The following USP43 variants were observed in gnomAD, a reference collection of about 807,000 sequenced individuals.
USP43 encodes ubiquitin specific peptidase 43, also known as ubiquitin carboxyl-terminal hydrolase 43.
USP43 carries 33 observed loss-of-function variants against 90.7 expected under a neutral mutation model. The observed-to-expected ratio is 0.36, with a 90% CI of 0.28 to 0.49. The LOEUF is 0.49. Ranked by LOEUF, USP43 falls within the 20% of genes least tolerant of loss-of-function variation. The pLI is 0.98. For synonymous variants in USP43, 598 were observed against 615.8 expected (o/e 0.97, Z 0.43); for missense variants, 1,274 against 1,476.4 (o/e 0.86, Z 2.25).
chr17:9,700,061 A>C, intron 9 of USP43, 111 bp from the exon 10 acceptor site: 1 of 1,050,842 alleles, frequency 9.5e-7, no homozygotes, highest in Non-Finnish European at 1.4e-6. Flanking sequence ...AGTTTTGGGT[A>C]TTTCTGTTTG....
At chr17:9,720,579 C>G (rs111717015) in intron 14 of USP43, among the ~76,000 whole-genome samples, 5,951 of 151,948 alleles carry the variant, frequency 0.039, 223 homozygotes, top group East Asian at 0.21. Flanking sequence ...ACCTCTGCCT[C>G]CCAGGTTCAA....
At chr17:9,680,203 A>G (rs757495917) in intron 5 of USP43, 28 bp from the exon 6 acceptor site, 1 of 1,605,626 alleles carries the variant, frequency 6.2e-7, no homozygotes. Context: ...TCAGAAATCA[A>G]GAGGGAAAAT....
In USP43 at chr17:9,682,876, C is replaced by A; in HGVS notation, c.1159C>A (p.Arg387=). The A allele has an allele frequency of 1.2e-6, 2 of 1,613,976 alleles. No individual in the cohort carries two copies. The highest frequency in any genetic ancestry group is 1.6e-4 in the Middle Eastern group (1 of 6,062). The change falls in exon 7 of 15, where the codon CGA becomes AGA. Residue 387 remains arginine, a synonymous_variant. Coordinates refer to ENST00000285199, the MANE Select transcript of USP43 (RefSeq NM_153210.5). ...SPRLAAREGQ[R]FSLSLHSESK... is the part of the protein sequence containing the mutation. ...ACGCCTGGCAGCCCGTGAGGGCCAG[C>A]GATTCTCCCTCTCTCTCCACAGTGA...
intron 1 of USP43, among the ~76,000 whole-genome samples, chr17:9,650,490 C>G (rs567767973): frequency 6.6e-6 from 1 of 152,152 alleles, no homozygotes; most frequent in Non-Finnish European, 1.5e-5. Flanking sequence ...GCAACCTCCA[C>G]TTTCTGGGTT....
intron 14 of USP43, among the ~76,000 whole-genome samples, chr17:9,718,032 G>A (rs1441248132): frequency 6.6e-6 from 1 of 151,914 alleles, no homozygotes; most frequent in Non-Finnish European, 1.5e-5. Context: ...TCTTCATCTC[G>A]TGATCTGCCC....
chr17:9,721,253 C>G (rs1209637203), intron 14 of USP43, among the ~76,000 whole-genome samples: 1 of 152,142 alleles, frequency 6.6e-6, no homozygotes, highest in Non-Finnish European at 1.5e-5. Flanking sequence ...TGATAAGTTT[C>G]CTCTATGGCT....
Position 9,701,113 on chromosome 17 carries a change from G to A in USP43, c.1536-6G>A, listed in dbSNP as rs758935490. ...CCTGAACGCCGTGGGTGTCCTCTCC[G>A]TGCAGCCTGTTCGGGAGCCTCCAGG... On this transcript the variant is annotated splice_polypyrimidine_tract_variant and splice_region_variant and intron_variant, in intron 10 of 14. Coordinates refer to ENST00000285199, the MANE Select transcript of USP43 (RefSeq NM_153210.5). This position sits in a 1 kb window ranked among gnomAD's most constrained non-coding sequence, Gnocchi z 7.2. 5.3e-5 allele frequency: 78 copies of A among 1,461,502 alleles called. No individual in the cohort carries two copies. The highest frequency in any genetic ancestry group is 1.3e-4 in the Admixed American group (5 of 37,326). 90.5% of individuals were successfully genotyped at this position (1,461,502 alleles called of 1,614,324 possible). A position where few individuals can be genotyped will look rare whatever the true frequency, so the allele number is the denominator to read the frequency against.
intron 12 of USP43, among the ~76,000 whole-genome samples, chr17:9,706,920 G>A (rs994780200): frequency 6.6e-6 from 1 of 152,026 alleles, no homozygotes; most frequent in African/African-American, 2.4e-5. Flanking sequence ...TGGGATTACA[G>A]GCGTGAGTCT....
intron 3 of USP43, among the ~76,000 whole-genome samples, chr17:9,670,131 C>G (rs1913308622): frequency 6.6e-6 from 1 of 151,686 alleles, no homozygotes; most frequent in Non-Finnish European, 1.5e-5. Context: ...CTCTGCTTCC[C>G]AGGTTCAAGC....
At chr17:9,690,610 C>T (rs1914881711) in intron 8 of USP43, among the ~76,000 whole-genome samples, 1 of 152,220 alleles carries the variant, frequency 6.6e-6, no homozygotes, top group African/African-American at 2.4e-5. Context: ...TGTTGCCAGA[C>T]GTGGTGGCTC....
At chr17:9,675,598 G>A (rs1029108653) in intron 4 of USP43, among the ~76,000 whole-genome samples, 1 of 152,032 alleles carries the variant, frequency 6.6e-6, no homozygotes, top group Non-Finnish European at 1.5e-5. Flanking sequence ...TTGGAAGAGA[G>A]GTATTTCCTC....
chr17:9,652,234 A>AAAAAAAAAAAAG (rs61023073), intron 1 of USP43, among the ~76,000 whole-genome samples: 4 of 149,678 alleles, frequency 2.7e-5, no homozygotes, highest in African/African-American at 1.0e-4. Flanking sequence ...AAAAAAGAAA[A>AAAAAAAAAAAAG]GAAAAGAAAG....
intron 12 of USP43, among the ~76,000 whole-genome samples, chr17:9,706,956 A>G (rs776467090): frequency 6.6e-6 from 1 of 151,912 alleles, no homozygotes; most frequent in Non-Finnish European, 1.5e-5. Context: ...GATTTTTATG[A>G]CTAGAACTAA....
rs138455148 is a variant in USP43 at position 9,691,379 on chromosome 17, G to A, written c.1354-1748G>A. On this transcript the variant is annotated intron_variant, in intron 8 of 14. Transcript: ENST00000285199. ...GTGATCCATCTGCCTCAGCCTCCCA[G>A]AGTGCTGGGATTACAGGCGTGAGCC... 7.0e-3 allele frequency among the ~76,000 whole-genome samples: 1,060 copies of A among 152,108 alleles called. 12 individuals are homozygous for A. Among genetic ancestry groups the A allele is most frequent in the African/African-American group, 0.024 (1,002 of 41,526 alleles).
intron 14 of USP43, 33 bp from the exon 15 acceptor site, chr17:9,727,921 C>T (rs1917354332): frequency 6.4e-7 from 1 of 1,571,004 alleles, no homozygotes; most frequent in African/African-American, 1.4e-5. Context: ...TGTAGGGTGG[C>T]TTGTACACTG....
chr17:9,702,287 C>A (rs1915619155), intron 12 of USP43, among the ~76,000 whole-genome samples: 1 of 152,128 alleles, frequency 6.6e-6, no homozygotes, highest in Non-Finnish European at 1.5e-5. Flanking sequence ...GAGGCTGAGG[C>A]CGTGGTGAAC....
intron 1 of USP43, among the ~76,000 whole-genome samples, chr17:9,653,581 C>G (rs888541741): frequency 2.7e-5 from 4 of 147,650 alleles, no homozygotes; most frequent in Admixed American, 1.3e-4. Flanking sequence ...GAGCAAAACT[C>G]CATTTCAAAA....
chr17:9,711,985 C>G lies in USP43; in HGVS notation c.2188C>G (p.Leu730Val). 1 of 1,609,896 alleles carries G rather than the reference C, an allele frequency of 6.2e-7. No homozygotes were observed. Among genetic ancestry groups the G allele is most frequent in the South Asian group, 1.1e-5 (1 of 90,414 alleles). Residue 730 changes from leucine to valine, a missense_variant, in exon 14 of 15, where the codon CTG becomes GTG. Coordinates refer to ENST00000285199, the MANE Select transcript of USP43 (RefSeq NM_153210.5). ...CTCCACAGGCTCTACCAGCTCCTCC[C>G]TGTCTGATCACTGGCTCTTACGGCT... Reference protein sequence around the residue: ...SSMRGSTSSSLSDHWLLRLGS... With the variant: ...SSMRGSTSSSVSDHWLLRLGS...
chr17:9,686,996 A>G lies in USP43; in HGVS notation c.1353+87A>G. On this transcript the variant is annotated intron_variant, in intron 8 of 14. Coordinates refer to ENST00000285199, the MANE Select transcript of USP43 (RefSeq NM_153210.5). The surrounding 1 kb of genome is among the most constrained non-coding windows in gnomAD (Gnocchi z 5.5). The stretch of plus-strand genomic sequence containing the variant: ...GGGTGTGTGTATTGGGAGGGGTGGA[A>G]TTTAGTGTAGCCCAGGAGAGGATAA... 8.2e-7 allele frequency: 1 copy of G among 1,224,940 alleles called. No individual in the cohort carries two copies. The highest frequency in any genetic ancestry group is 1.2e-6 in the Non-Finnish European group (1 of 860,912). 75.9% of individuals were successfully genotyped at this position (1,224,940 alleles called of 1,614,324 possible).
Sources: gnomAD v4.1 joint callset for allele counts (sites outside exome capture counted in the v4.1 genomes callset) on GRCh38, gnomAD v4.1.1 for gene constraint, Gnocchi (gnomAD v3.1) non-coding constraint, MANE v1.5 for transcripts, NCBI Gene and HGNC (gene_info 2026-07-23, HGNC 2026-07-21) for gene names.